MACROD2: variants seen among roughly 807,000 people sequenced by gnomAD.
MACROD2 encodes the protein ADP-ribose glycohydrolase MACROD2.
MACROD2 carries 36 observed loss-of-function variants against 70.4 expected under a neutral mutation model. That is an observed-to-expected ratio of 0.51 (90% CI 0.39 to 0.68). The LOEUF (loss-of-function observed/expected upper bound fraction) is 0.68. MACROD2 is among the 30% of genes least tolerant of loss of function. The pLI is 0.00. For missense variants in MACROD2, 496 were observed against 538.4 expected (o/e 0.92, Z 0.78); for synonymous variants, 172 against 178.8 (o/e 0.96, Z 0.30).
chr20:14,001,461 T>C (rs1224127987), intron 1 of MACROD2, among the ~76,000 whole-genome samples: 7 of 152,206 alleles, frequency 4.6e-5, no homozygotes, highest in Non-Finnish European at 7.3e-5. Context: ...TGAGGAAATA[T>C]CTTGGTGGTT....
chr20:14,551,962 T>C (rs1301652028), intron 4 of MACROD2, among the ~76,000 whole-genome samples: 2 of 152,094 alleles, frequency 1.3e-5, no homozygotes, highest in African/African-American at 2.4e-5. Flanking sequence ...GAGTGAAGTA[T>C]TAAATTGTTT....
chr20:15,667,511 C>G (rs79745374), intron 8 of MACROD2, among the ~76,000 whole-genome samples: 46 of 136,114 alleles, frequency 3.4e-4, no homozygotes, highest in African/African-American at 1.1e-3. Context: ...ATCTATCTAT[C>G]TATCTATCTA....
chr20:15,084,420 C>T (rs951402198), intron 5 of MACROD2, among the ~76,000 whole-genome samples: 4 of 152,138 alleles, frequency 2.6e-5, no homozygotes, highest in Admixed American at 1.3e-4. Flanking sequence ...ATGAGATCAC[C>T]ATAGCCATGT....
At chr20:14,865,454 C>T (rs1192770361) in intron 5 of MACROD2, among the ~76,000 whole-genome samples, 1 of 151,822 alleles carries the variant, frequency 6.6e-6, no homozygotes, top group Non-Finnish European at 1.5e-5. Flanking sequence ...CCTTAAGTTA[C>T]TCATTGGTTT....
At chr20:14,328,262 A>G (rs773080672) in intron 3 of MACROD2, among the ~76,000 whole-genome samples, 1 of 152,178 alleles carries the variant, frequency 6.6e-6, no homozygotes, top group African/African-American at 2.4e-5. Context: ...AAGCTAATAC[A>G]TCCAGCTAAC....
In MACROD2 at chr20:14,751,907, C is replaced by G. The variant is rs550188076; in HGVS notation, c.418+66948C>G. Among the ~76,000 whole-genome samples the G allele has an allele frequency of 2.6e-5, 4 of 152,120 alleles. No homozygotes were observed. The South Asian group carries it at 6.2e-4, about 24-fold the overall frequency. On this transcript the variant is annotated intron_variant, in intron 5 of 17. Coordinates refer to ENST00000684519, the MANE Select transcript of MACROD2 (RefSeq NM_001351661.2). ...ACATCATCTACCATAATAATCTTACCTACCTTTGGAGTAGCAATGAGTACT... is the reference window on the plus strand; with the variant it reads ...ACATCATCTACCATAATAATCTTACGTACCTTTGGAGTAGCAATGAGTACT...
chr20:14,719,888 G>A (rs2071444323), intron 5 of MACROD2, among the ~76,000 whole-genome samples: 1 of 152,148 alleles, frequency 6.6e-6, no homozygotes, highest in South Asian at 2.1e-4. Context: ...CTTCAGTGGA[G>A]GGAGAAAGGA....
At chr20:15,376,876 A>G (rs2045569671) in intron 6 of MACROD2, among the ~76,000 whole-genome samples, 1 of 152,048 alleles carries the variant, frequency 6.6e-6, no homozygotes, top group Admixed American at 6.6e-5. Flanking sequence ...TTTTATTTTA[A>G]TGTTCTATTC....
chr20:14,990,981 G>A (rs1196575213), intron 5 of MACROD2, among the ~76,000 whole-genome samples: 1 of 152,116 alleles, frequency 6.6e-6, no homozygotes, highest in Non-Finnish European at 1.5e-5. Flanking sequence ...TCAAGAAGGG[G>A]CAGAATTCTG....
intron 8 of MACROD2, among the ~76,000 whole-genome samples, chr20:15,692,984 C>A (rs1052150579): frequency 1.3e-5 from 2 of 152,112 alleles, no homozygotes; most frequent in African/African-American, 4.8e-5. Flanking sequence ...GCACTTCCCA[C>A]TCTTCTCTCT....
rs1043499867 is a variant in MACROD2, at chr20:15,707,037, A to G, written c.646-155708A>G. On this transcript the variant is annotated intron_variant, in intron 8 of 17. Coordinates refer to ENST00000684519, the MANE Select transcript of MACROD2 (RefSeq NM_001351661.2). ...ACAAAGGTTATCAACCCTCCAGATAAAAAGTCATGGTTCTTCTATTGCCCT... is the reference window on the plus strand; with the variant it reads ...ACAAAGGTTATCAACCCTCCAGATAGAAAGTCATGGTTCTTCTATTGCCCT... Among the ~76,000 whole-genome samples the G allele has an allele frequency of 2.6e-5, 4 of 152,304 alleles. No individual in the cohort carries two copies. In the East Asian group the frequency reaches 7.7e-4, roughly 29 times the overall value.
At chr20:15,252,515 C>G (rs1438584323) in intron 6 of MACROD2, among the ~76,000 whole-genome samples, 5 of 152,306 alleles carry the variant, frequency 3.3e-5, no homozygotes, top group Middle Eastern at 3.4e-3. Context: ...GAAGGCGGTT[C>G]TTAAAGCTAC....
chr20:14,190,015 T>A (rs568522024), intron 3 of MACROD2, among the ~76,000 whole-genome samples: 2 of 152,264 alleles, frequency 1.3e-5, no homozygotes, highest in South Asian at 4.1e-4. Flanking sequence ...CATTAAGGAA[T>A]TTCATACACA....
chr20:14,421,901 G>A (rs1018795469), intron 3 of MACROD2, among the ~76,000 whole-genome samples: 3 of 152,088 alleles, frequency 2.0e-5, no homozygotes, highest in Non-Finnish European at 4.4e-5. Flanking sequence ...GTATATGTGT[G>A]TTAGGTCTAA....
chr20:15,840,322 C>T (rs1000899471), intron 8 of MACROD2, among the ~76,000 whole-genome samples: 1 of 152,148 alleles, frequency 6.6e-6, no homozygotes, highest in African/African-American at 2.4e-5. Flanking sequence ...TTATGGTGAG[C>T]TGGTCAGAAA....
chr20:14,757,702 C>T lies in MACROD2; in HGVS notation c.418+72743C>T, dbSNP rs1045794623. On this transcript the variant is annotated intron_variant, in intron 5 of 17. Transcript: ENST00000684519. ...TGTCCAACCTTCCTGTCATAAAGGC[C>T]ATGCAGTCTCTCAAGTCCCGAGGCT... is the stretch of plus-strand genomic sequence containing the variant. 32 of 1,474,540 alleles carry T rather than the reference C, an allele frequency of 2.2e-5. No individual in the cohort carries two copies. In the East Asian group the frequency reaches 2.5e-4, roughly 11 times the overall value. 91.3% of individuals were successfully genotyped at this position (1,474,540 alleles called of 1,614,324 possible).
chr20:15,138,074 CCT>C (rs1480800240), intron 5 of MACROD2, among the ~76,000 whole-genome samples: 4 of 151,852 alleles, frequency 2.6e-5, no homozygotes, highest in African/African-American at 7.3e-5. Flanking sequence ...TTGAGTAACC[CCT>C]GTTTTTATAT....
intron 3 of MACROD2, among the ~76,000 whole-genome samples, chr20:14,122,051 A>G (rs907170967): frequency 5.9e-5 from 9 of 152,152 alleles, no homozygotes; most frequent in African/African-American, 1.4e-4. Flanking sequence ...TTAGGCTATC[A>G]ATAATATTAC....
intron 3 of MACROD2, among the ~76,000 whole-genome samples, chr20:14,489,287 C>T (rs1221540104): frequency 6.6e-6 from 1 of 152,152 alleles, no homozygotes; most frequent in Non-Finnish European, 1.5e-5. Context: ...AGGCCTGTTG[C>T]CAGATTGATA....
Sources: allele counts gnomAD v4.1 joint callset (sites outside exome capture counted in the v4.1 genomes callset), GRCh38; gene constraint gnomAD v4.1.1; transcripts MANE v1.5; gene names NCBI Gene and HGNC (gene_info 2026-07-23, HGNC 2026-07-21).